Variants in GLG1 observed in about 807,000 individuals in gnomAD.
GLG1 encodes the protein golgi glycoprotein 1.
In GLG1, 38 loss-of-function variants were observed where a neutral mutation model predicts 160.5. The ratio of observed to expected loss-of-function variants is 0.24; its 90% confidence interval spans 0.18 to 0.31. The LOEUF (loss-of-function observed/expected upper bound fraction) is 0.31, where lower values mean the gene tolerates loss of function less well. Ranked by LOEUF, GLG1 falls within the 10% of genes least tolerant of loss-of-function variation. The pLI, the probability that GLG1 is intolerant of heterozygous loss-of-function variation, is 1.00. For synonymous variants in GLG1, 644 were observed against 543.4 expected, an observed-to-expected ratio of 1.19 and a Z score of -2.57; for missense variants, 1,373 against 1,505.2, an observed-to-expected ratio of 0.91 and a Z score of 1.45.
intron 2 of GLG1, among the ~76,000 whole-genome samples, chr16:74,518,479 G>T (rs1451994001): frequency 6.6e-6 from 1 of 152,098 alleles, no homozygotes; most frequent in African/African-American, 2.4e-5. Context: ...AATGGTGTTG[G>T]GAAAACTGGC....
chr16:74,571,760 G>A (rs1390938287), intron 1 of GLG1, among the ~76,000 whole-genome samples: 1 of 152,066 alleles, frequency 6.6e-6, no homozygotes, highest in Non-Finnish European at 1.5e-5. Context: ...AGAAGATCGA[G>A]GTGTGACTGC....
intron 11 of GLG1, among the ~76,000 whole-genome samples, chr16:74,477,788 A>G (rs1006388118): frequency 6.6e-6 from 1 of 151,956 alleles, no homozygotes; most frequent in African/African-American, 2.4e-5. Flanking sequence ...AGCCTGACCT[A>G]CATGGAGAAA....
At chr16:74,573,016 G>A (rs1476452014) in intron 1 of GLG1, among the ~76,000 whole-genome samples, 1 of 152,116 alleles carries the variant, frequency 6.6e-6, no homozygotes, top group African/African-American at 2.4e-5. Flanking sequence ...CTGCAGAATT[G>A]GTTGTTGGTG....
chr16:74,500,965 A>T (rs1276977733), intron 4 of GLG1, among the ~76,000 whole-genome samples: 2 of 152,232 alleles, frequency 1.3e-5, no homozygotes, highest in Non-Finnish European at 2.9e-5. Context: ...TACAAAGGCA[A>T]GGTACAAACA....
intron 19 of GLG1, among the ~76,000 whole-genome samples, chr16:74,464,758 T>C (rs1242740837): frequency 6.6e-6 from 1 of 152,240 alleles, no homozygotes; most frequent in African/African-American, 2.4e-5. Flanking sequence ...CTCTAGAATT[T>C]ATTTGATAGT....
chr16:74,540,079 ATTTTATATATATATTATATATATT>A (rs2017810337), intron 1 of GLG1, among the ~76,000 whole-genome samples: 1 of 750 alleles, frequency 1.3e-3, no homozygotes, highest in African/African-American at 1.9e-3. Context: ...TATTATATAT[ATTTTATATATATATTATATATATT>A]TTATATATAT....
intron 2 of GLG1, among the ~76,000 whole-genome samples, chr16:74,529,868 G>A (rs2017476485): frequency 7.4e-6 from 1 of 135,804 alleles, no homozygotes; most frequent in African/African-American, 2.8e-5. Flanking sequence ...CCAGACTGGA[G>A]GGCAGTGGCA....
intron 1 of GLG1, among the ~76,000 whole-genome samples, chr16:74,544,523 T>C (rs1290803055): frequency 6.6e-6 from 1 of 152,202 alleles, no homozygotes; most frequent in African/African-American, 2.4e-5. Context: ...GGTTGGTTTT[T>C]TGAAATGGAG....
chr16:74,457,884 G>A lies in GLG1; in HGVS notation c.3255C>T (p.Gly1085=). 4.3e-6 allele frequency: 7 copies of A among 1,613,956 alleles called. No homozygotes were observed. The highest frequency in any genetic ancestry group is 5.9e-6 in the Non-Finnish European group (7 of 1,179,886). The change falls in exon 24 of 26, where the codon GGC becomes GGT. Residue 1085 remains glycine (G), a synonymous_variant. Transcript: ENST00000422840. ...AACACAGAGACTTACGACGCCCGCGGCCAGGGGTGATGGCTGCGCAGTGGT... is the reference window on the plus strand; with the variant it reads ...AACACAGAGACTTACGACGCCCGCGACCAGGGGTGATGGCTGCGCAGTGGT... The part of the protein sequence containing the change: ...IKHHCAAITP[G]RGRQMSCLME...
At chr16:74,473,041 C>T (rs1013628027) in intron 13 of GLG1, 3 of 155,224 alleles carry the variant, frequency 1.9e-5, no homozygotes, top group South Asian at 2.0e-4. Context: ...GGTTGAGAAA[C>T]GTAATTTTAC....
At chr16:74,568,593 T>C (rs2018727782) in intron 1 of GLG1, among the ~76,000 whole-genome samples, 2 of 152,076 alleles carry the variant, frequency 1.3e-5, no homozygotes, top group Admixed American at 6.5e-5. Context: ...AATTTTTATG[T>C]TTTTAGTAGA....
chr16:74,570,747 G>A (rs929105027), intron 1 of GLG1, among the ~76,000 whole-genome samples: 3 of 152,126 alleles, frequency 2.0e-5, no homozygotes, highest in Admixed American at 1.3e-4. Context: ...AATCAGCCAG[G>A]TGTGGTGGCA....
chr16:74,455,395 TCTGAGTCA>T (rs2143128394), intron 25 of GLG1, among the ~76,000 whole-genome samples: 1 of 152,326 alleles, frequency 6.6e-6, no homozygotes, highest in South Asian at 2.1e-4. Flanking sequence ...CGTGAATTAC[TCTGAGTCA>T]CTCTGAAGCA....
At chr16:74,569,589 C>T (rs558589190) in intron 1 of GLG1, among the ~76,000 whole-genome samples, 1 of 152,266 alleles carries the variant, frequency 6.6e-6, no homozygotes, top group East Asian at 1.9e-4. Context: ...GTGCCATGCA[C>T]AGTGGCTCAC....
At chr16:74,583,700 C>T (rs1212569134) in intron 1 of GLG1, among the ~76,000 whole-genome samples, 1 of 152,056 alleles carries the variant, frequency 6.6e-6, no homozygotes, top group Non-Finnish European at 1.5e-5. Context: ...CTTCTCTTCA[C>T]TTGGTTAAAT....
rs1231578895 is a variant in GLG1, at chr16:74,453,126, T to TGGGCA, written c.*36_*40dup. ...TGCTATACAAGAGGGCTGTACAAACTGGGCACTGGATAGGTAGTTCCTTTG... is the reference window on the plus strand; with the variant it reads ...TGCTATACAAGAGGGCTGTACAAACTGGGCAGGGCACTGGATAGGTAGTTCCTTTG... On this transcript the variant is annotated 3_prime_UTR_variant, in exon 26 of 26. Coordinates refer to ENST00000422840, the MANE Select transcript of GLG1 (RefSeq NM_001145667.2). 4 of 1,602,514 alleles carry TGGGCA rather than the reference T, an allele frequency of 2.5e-6. No homozygotes were observed. The Admixed American group carries it at 6.8e-5, about 27-fold the overall frequency.
At chr16:74,596,286 T>G (rs1335315116) in intron 1 of GLG1, among the ~76,000 whole-genome samples, 6 of 151,980 alleles carry the variant, frequency 3.9e-5, no homozygotes, top group East Asian at 1.9e-4. Context: ...CCCAGCACTT[T>G]GGGGGGCTAA....
chr16:74,459,780 G>C lies in GLG1; in HGVS notation c.3046C>G (p.Leu1016Val). 1 of 1,587,334 alleles carries C rather than the reference G, an allele frequency of 6.3e-7. No homozygotes were observed. The highest frequency in any genetic ancestry group is 8.6e-7 in the Non-Finnish European group (1 of 1,158,082). Residue 1016 changes from leucine (L) to valine (V), a missense_variant, in exon 23 of 26, where the codon CTA becomes GTA. Physicochemically the swap from Leu to Val is conservative, Grantham distance 32. Coordinates refer to ENST00000422840, the MANE Select transcript of GLG1 (RefSeq NM_001145667.2). ...TGGGCTGCTGCTTCTTCAGCACATA[G>C]ACTGGAGATCTGTTCAGGAGACACA... ...QLHCSDEISSLCAEEAAAQEQ... is the reference protein window; with the variant it reads ...QLHCSDEISSVCAEEAAAQEQ...
chr16:74,559,524 T>G (rs1451772597), intron 1 of GLG1, among the ~76,000 whole-genome samples: 4 of 152,056 alleles, frequency 2.6e-5, no homozygotes, highest in Non-Finnish European at 5.9e-5. Flanking sequence ...AATAAAAATA[T>G]AACTCTTCCT....
Sources: gnomAD v4.1 joint callset for allele counts (sites outside exome capture counted in the v4.1 genomes callset) on GRCh38, gnomAD v4.1.1 for gene constraint, MANE v1.5 for transcripts, NCBI Gene and HGNC (gene_info 2026-07-23, HGNC 2026-07-21) for gene names.